The following TBC1D22A variants were observed in gnomAD, a reference collection of about 807,000 sequenced individuals.
The protein encoded by TBC1D22A is putative GTPase activator.
A neutral mutation model predicts 60.2 loss-of-function variants in TBC1D22A; 38 were observed. The ratio of observed to expected loss-of-function variants is 0.63; its 90% CI spans 0.49 to 0.83. The LOEUF (loss-of-function observed/expected upper bound fraction) is 0.83. TBC1D22A is among the 40% of genes least tolerant of loss of function. The pLI is 0.00. For missense variants in TBC1D22A, 628 were observed against 701.0 expected (o/e 0.90, Z 1.18); for synonymous variants, 302 against 281.7 (o/e 1.07, Z -0.72).
chr22:47,137,783 T>G (rs2066927848), intron 12 of TBC1D22A, among the ~76,000 whole-genome samples: 3 of 150,822 alleles, frequency 2.0e-5, no homozygotes, highest in Non-Finnish European at 4.4e-5. Context: ...GAGGTTGGAG[T>G]GAGGAGTGTG....
chr22:47,102,842 A>G (rs1198461733), intron 11 of TBC1D22A, among the ~76,000 whole-genome samples: 1 of 152,214 alleles, frequency 6.6e-6, no homozygotes, highest in Non-Finnish European at 1.5e-5. Context: ...GAGTGTAAAC[A>G]GGATTCCTTG....
chr22:46,872,293 GT>G (rs1445853598), intron 4 of TBC1D22A, among the ~76,000 whole-genome samples: 3 of 152,068 alleles, frequency 2.0e-5, no homozygotes, highest in Non-Finnish European at 4.4e-5. Flanking sequence ...GAGAGGAGTA[GT>G]AAACACTTCT....
In TBC1D22A at chr22:46,992,991, C is replaced by T. The variant is rs111306109; in HGVS notation, c.1126-4643C>T. Among the ~76,000 whole-genome samples, 499 of 152,212 alleles carry T rather than the reference C, an allele frequency of 3.3e-3. 3 individuals are homozygous for T. Among genetic ancestry groups the T allele is most frequent in the African/African-American group, 0.012 (486 of 41,520 alleles). ...TCAATGTGGGGAAGACACTATGTTA[C>T]GGTGAAATTAGCCTGGAAAGAAGAG... On this transcript the variant is annotated intron_variant, in intron 9 of 12. Transcript: ENST00000337137.
intron 7 of TBC1D22A, among the ~76,000 whole-genome samples, chr22:46,900,790 C>T (rs1805680172): frequency 6.6e-6 from 1 of 152,170 alleles, no homozygotes; most frequent in African/African-American, 2.4e-5. Flanking sequence ...TCTGTGCACC[C>T]GTTGACGGAC....
chr22:47,155,063 G>A (rs559831954), intron 12 of TBC1D22A, among the ~76,000 whole-genome samples: 8 of 152,326 alleles, frequency 5.3e-5, no homozygotes, highest in Non-Finnish European at 1.0e-4. Context: ...GAAGGGCTGC[G>A]CCAGGATTTG....
intron 4 of TBC1D22A, among the ~76,000 whole-genome samples, chr22:46,849,401 C>T (rs994935793): frequency 6.6e-6 from 1 of 152,218 alleles, no homozygotes; most frequent in African/African-American, 2.4e-5. Flanking sequence ...TTAGTGGAGG[C>T]CTCAGATCCC....
At chr22:47,019,300 C>A (rs1374205516) in intron 10 of TBC1D22A, among the ~76,000 whole-genome samples, 2 of 152,228 alleles carry the variant, frequency 1.3e-5, no homozygotes, top group Non-Finnish European at 2.9e-5. Context: ...CCTCACACTT[C>A]AGCAAGCATC....
intron 9 of TBC1D22A, among the ~76,000 whole-genome samples, chr22:46,982,301 G>A (rs1273848779): frequency 6.7e-6 from 1 of 150,170 alleles, no homozygotes. Flanking sequence ...TTGGCACACT[G>A]CAACCTCTGC....
chr22:46,960,347 C>T (rs145772584), intron 8 of TBC1D22A, among the ~76,000 whole-genome samples: 12,177 of 152,010 alleles, frequency 0.08, 976 homozygotes, highest in African/African-American at 0.21. Flanking sequence ...CTGCAACCTC[C>T]GACTCCTGGG....
At chr22:46,928,900 A>G (rs145276746) in intron 8 of TBC1D22A, among the ~76,000 whole-genome samples, 2 of 152,334 alleles carry the variant, frequency 1.3e-5, no homozygotes, top group Non-Finnish European at 2.9e-5. Context: ...AAAGATGAAC[A>G]ATAACAACTT....
chr22:47,065,237 C>T (rs983447300), intron 11 of TBC1D22A, among the ~76,000 whole-genome samples: 2 of 152,244 alleles, frequency 1.3e-5, no homozygotes, highest in Admixed American at 1.3e-4. Flanking sequence ...ACCTCATGAT[C>T]CGCCCACGTT....
intron 11 of TBC1D22A, among the ~76,000 whole-genome samples, chr22:47,096,495 T>G (rs902401572): frequency 6.6e-6 from 1 of 152,184 alleles, no homozygotes; most frequent in Non-Finnish European, 1.5e-5. Context: ...AGTTTAAAAT[T>G]TGGGGGTAGT....
chr22:46,915,336 C>T (rs768910536), intron 8 of TBC1D22A: 4 of 449,260 alleles, frequency 8.9e-6, no homozygotes, highest in South Asian at 3.1e-5. Context: ...GTCTTCAAGC[C>T]GGTAAACCTC....
intron 8 of TBC1D22A, among the ~76,000 whole-genome samples, chr22:46,919,283 C>A (rs1235920599): frequency 6.6e-6 from 1 of 152,160 alleles, no homozygotes; most frequent in East Asian, 1.9e-4. Flanking sequence ...TGTCTGGCTT[C>A]TTCCACTTGG....
chr22:47,020,982 CT>C (rs1292241633), intron 10 of TBC1D22A, among the ~76,000 whole-genome samples: 1 of 152,186 alleles, frequency 6.6e-6, no homozygotes, highest in East Asian at 1.9e-4. Context: ...TATAGGCAGC[CT>C]CCAGCCCACA....
chr22:46,889,848 G>A (rs1484928777), intron 5 of TBC1D22A, among the ~76,000 whole-genome samples: 1 of 152,196 alleles, frequency 6.6e-6, no homozygotes, highest in Non-Finnish European at 1.5e-5. Context: ...GGACTGCAGA[G>A]GATACTGGGA....
intron 10 of TBC1D22A, among the ~76,000 whole-genome samples, chr22:47,011,530 G>A (rs1001527491): frequency 2.6e-5 from 4 of 152,160 alleles, no homozygotes; most frequent in African/African-American, 4.8e-5. Context: ...TTTCTAGAGC[G>A]GCCTCAGCAA....
At chr22:47,152,949 G>A (rs974901908) in intron 12 of TBC1D22A, among the ~76,000 whole-genome samples, 1 of 151,994 alleles carries the variant, frequency 6.6e-6, no homozygotes, top group Non-Finnish European at 1.5e-5. Context: ...TGACTGAATA[G>A]GACAAGAAAA....
At chr22:46,775,364 C>A (rs996635530) in intron 1 of TBC1D22A, among the ~76,000 whole-genome samples, 3 of 152,136 alleles carry the variant, frequency 2.0e-5, no homozygotes, top group Admixed American at 2.0e-4. Flanking sequence ...CGGAAGGGAT[C>A]TGGGAGGAAG....
Sources: allele counts gnomAD v4.1 joint callset (sites outside exome capture counted in the v4.1 genomes callset), GRCh38; gene constraint gnomAD v4.1.1; transcripts MANE v1.5; gene names NCBI Gene and HGNC (gene_info 2026-07-23, HGNC 2026-07-21).